The following STK39 variants were observed in gnomAD, a reference collection of about 807,000 sequenced individuals.
The protein encoded by STK39 is STE20/SPS1-related proline-alanine-rich protein kinase.
Under a neutral mutation model 77.8 loss-of-function variants are expected in STK39, and 20 were observed. The observed-to-expected ratio is 0.26, with a 90% CI of 0.18 to 0.37. The LOEUF (loss-of-function observed/expected upper bound fraction) is 0.37. Among genes scored for constraint, STK39 ranks in the 10% least tolerant of loss-of-function variants. The pLI is 1.00. For synonymous variants in STK39, 246 were observed against 234.1 expected, an observed-to-expected ratio of 1.05 and a Z score of -0.47; for missense variants, 479 against 656.5, an observed-to-expected ratio of 0.73 and a Z score of 2.95.
chr2:168,179,471 T>C (rs1366116734), intron 2 of STK39, among the ~76,000 whole-genome samples: 1 of 151,814 alleles, frequency 6.6e-6, no homozygotes, highest in Non-Finnish European at 1.5e-5. Context: ...TCTCTAAATA[T>C]ATCAACACAC....
chr2:168,184,800 C>T (rs1307004993), intron 1 of STK39, among the ~76,000 whole-genome samples: 1 of 152,148 alleles, frequency 6.6e-6, no homozygotes, highest in East Asian at 1.9e-4. Context: ...GTTTCACTTA[C>T]GCCCAAGCTT....
chr2:167,956,690 ACACACACTCT>A (rs1255710990), intron 17 of STK39, among the ~76,000 whole-genome samples: 10 of 45,912 alleles, frequency 2.2e-4, no homozygotes, highest in Non-Finnish European at 4.6e-5. Context: ...ACACACACAC[ACACACACTCT>A]CTCTCTCTCT....
At chr2:168,054,539 A>T (rs981583422) in intron 14 of STK39, among the ~76,000 whole-genome samples, 2 of 152,246 alleles carry the variant, frequency 1.3e-5, no homozygotes, top group Admixed American at 1.3e-4. Flanking sequence ...CAAAGAAAAC[A>T]ACCAAAAGAG....
At position 168,240,372 on chromosome 2, in the gene STK39, T is replaced by G. The variant is rs1024870897; in HGVS notation, c.208+6856A>C. ...TATAGCAGTATCTTTCTGGTAGCAATGCACACTACAGCCAGAAACAAGAAT... is the reference window on the plus strand; with the variant it reads ...TATAGCAGTATCTTTCTGGTAGCAAGGCACACTACAGCCAGAAACAAGAAT... On this transcript the variant is annotated intron_variant, in intron 1 of 17. Coordinates refer to ENST00000355999, the MANE Select transcript of STK39 (RefSeq NM_013233.3). 1.3e-4 allele frequency among the ~76,000 whole-genome samples: 20 copies of G among 152,292 alleles called. No homozygotes were observed. In the South Asian group the frequency reaches 1.7e-3, roughly 13 times the overall value.
intron 16 of STK39, among the ~76,000 whole-genome samples, chr2:167,985,826 T>C (rs780426983): frequency 3.9e-5 from 6 of 152,160 alleles, no homozygotes; most frequent in Non-Finnish European, 8.8e-5. Context: ...TTTAAGGAAA[T>C]AAATATCCTA....
At chr2:168,007,196 C>T (rs1684153140) in intron 16 of STK39, among the ~76,000 whole-genome samples, 1 of 152,160 alleles carries the variant, frequency 6.6e-6, no homozygotes, top group African/African-American at 2.4e-5. Flanking sequence ...TCTATATAAA[C>T]TGGACTCTTT....
Position 168,167,410 on chromosome 2 carries a change from A to G in STK39, c.322-3T>C, listed in dbSNP as rs201655988. On this transcript the variant is annotated splice_polypyrimidine_tract_variant and splice_region_variant and intron_variant, in intron 2 of 17. Coordinates refer to ENST00000355999, the MANE Select transcript of STK39 (RefSeq NM_013233.3). ...TGACTCATGGCTTGAATTTCTTTCT[A>G]TAAAAAGAGCAAAACATGACATAGT... is the stretch of plus-strand genomic sequence containing the variant. The G allele has an allele frequency of 1.1e-4, 174 of 1,612,898 alleles. No homozygotes were observed. Among genetic ancestry groups the G allele is most frequent in the Non-Finnish European group, 1.3e-4 (159 of 1,179,238 alleles).
chr2:168,017,129 A>G, intron 14 of STK39, 34 bp from the exon 15 acceptor site: 1 of 1,468,340 alleles, frequency 6.8e-7, no homozygotes, highest in South Asian at 1.3e-5. Context: ...ATTAAAGTCT[A>G]GGGAAGCAGA....
At chr2:168,116,628 T>C (rs750766082) in intron 10 of STK39, among the ~76,000 whole-genome samples, 1 of 152,166 alleles carries the variant, frequency 6.6e-6, no homozygotes, top group African/African-American at 2.4e-5. Flanking sequence ...CTCAAACATA[T>C]GTACCACACC....
At chr2:168,027,512 C>A (rs115232568) in intron 14 of STK39, among the ~76,000 whole-genome samples, 1,538 of 152,230 alleles carry the variant, frequency 0.01, 31 homozygotes, top group African/African-American at 0.035. Context: ...TCAGATAGAT[C>A]AGAAAGTCAC....
rs114618081 is a variant in STK39, at chr2:168,196,757, G to A, written c.209-14667C>T. 1.6e-3 allele frequency among the ~76,000 whole-genome samples: 251 copies of A among 152,314 alleles called. 1 individual carries two copies. Among genetic ancestry groups the A allele is most frequent in the African/African-American group, 5.7e-3 (236 of 41,580 alleles). ...GTGGTCAGAGAAGCCTCTCTCAGGTGGTGACATGTGGGCTGACAAGAAGGG... is the reference window on the plus strand; with the variant it reads ...GTGGTCAGAGAAGCCTCTCTCAGGTAGTGACATGTGGGCTGACAAGAAGGG... On this transcript the variant is annotated intron_variant, in intron 1 of 17. Transcript: ENST00000355999.
chr2:168,063,472 A>G, intron 14 of STK39, 28 bp downstream of exon 14: 1 of 1,587,768 alleles, frequency 6.3e-7, no homozygotes, highest in South Asian at 1.1e-5. Flanking sequence ...AGGAAAAACA[A>G]TGCAGAATAA....
intron 10 of STK39, among the ~76,000 whole-genome samples, chr2:168,098,555 G>T (rs966133875): frequency 6.6e-6 from 1 of 151,992 alleles, no homozygotes; most frequent in Non-Finnish European, 1.5e-5. Context: ...CTATTGACAG[G>T]GGCTGCTTGT....
chr2:168,124,614 G>A (rs1428444942), intron 10 of STK39, among the ~76,000 whole-genome samples: 1 of 152,058 alleles, frequency 6.6e-6, no homozygotes, highest in Non-Finnish European at 1.5e-5. Context: ...AGCCAGGCTG[G>A]TCTTGAACTC....
At chr2:167,990,385 G>T (rs1683671209) in intron 16 of STK39, among the ~76,000 whole-genome samples, 1 of 152,184 alleles carries the variant, frequency 6.6e-6, no homozygotes, top group Admixed American at 6.5e-5. Context: ...ACAGTGTGCT[G>T]TACAAACAGA....
intron 14 of STK39, among the ~76,000 whole-genome samples, chr2:168,017,667 C>T (rs1684450318): frequency 6.6e-6 from 1 of 152,096 alleles, no homozygotes; most frequent in Admixed American, 6.6e-5. Flanking sequence ...GCCACCACAC[C>T]TGGCCAATAT....
intron 17 of STK39, 33 bp downstream of exon 17, chr2:167,964,629 A>G (rs1372204907): frequency 1.3e-6 from 2 of 1,569,728 alleles, no homozygotes; most frequent in East Asian, 2.2e-5. Flanking sequence ...ATGGCAAAAT[A>G]TTACCTCCTT....
At chr2:168,151,208 T>A (rs1447399990) in intron 5 of STK39, among the ~76,000 whole-genome samples, 31 of 152,170 alleles carry the variant, frequency 2.0e-4, no homozygotes, top group Non-Finnish European at 2.5e-4. Context: ...CTTTGAAACA[T>A]CAGAGAATGA....
At chr2:168,063,217 AG>A (rs1685707173) in intron 14 of STK39, among the ~76,000 whole-genome samples, 1 of 152,128 alleles carries the variant, frequency 6.6e-6, no homozygotes, top group Admixed American at 6.5e-5. Flanking sequence ...AAAAAGGAAA[AG>A]AAAAAAAAAT....
Sources: gnomAD v4.1 joint callset for allele counts (sites outside exome capture counted in the v4.1 genomes callset) on GRCh38, gnomAD v4.1.1 for gene constraint, MANE v1.5 for transcripts, NCBI Gene and HGNC (gene_info 2026-07-23, HGNC 2026-07-21) for gene names.